SPAG16: variants seen among roughly 807,000 people sequenced by gnomAD.
SPAG16 encodes sperm associated antigen 16.
SPAG16 carries 86 observed loss-of-function variants against 80.4 expected under a neutral mutation model. The observed-to-expected ratio is 1.07, with a 90% CI of 0.90 to 1.28. The LOEUF (loss-of-function observed/expected upper bound fraction) is 1.28. Among genes scored for constraint, SPAG16 ranks in the 50% most tolerant of loss-of-function variants. SPAG16 has a pLI of 0.00. For synonymous variants in SPAG16, 294 were observed against 265.9 expected, an observed-to-expected ratio of 1.11 and a Z score of -1.03; for missense variants, 870 against 765.3, an observed-to-expected ratio of 1.14 and a Z score of -1.61.
intron 10 of SPAG16, among the ~76,000 whole-genome samples, chr2:213,835,563 T>G (rs1213353060): frequency 1.3e-5 from 2 of 152,124 alleles, no homozygotes; most frequent in East Asian, 1.9e-4. Flanking sequence ...TGTCCTGTGT[T>G]TAATCTCCCT....
At chr2:213,429,608 A>G (rs1049009878) in intron 9 of SPAG16, among the ~76,000 whole-genome samples, 1 of 152,224 alleles carries the variant, frequency 6.6e-6, no homozygotes, top group African/African-American at 2.4e-5. Flanking sequence ...GTTTCACATA[A>G]CATTTGCTAC....
intron 12 of SPAG16, among the ~76,000 whole-genome samples, chr2:213,986,502 A>C (rs965578857): frequency 6.6e-6 from 1 of 151,746 alleles, no homozygotes. Flanking sequence ...AAAAATACTG[A>C]AATCCACAAA....
intron 15 of SPAG16, among the ~76,000 whole-genome samples, chr2:214,336,524 C>A (rs1301529968): frequency 6.6e-6 from 1 of 151,926 alleles, no homozygotes; most frequent in East Asian, 1.9e-4. Flanking sequence ...AGCTTAGAAC[C>A]AGGATAACTG....
chr2:213,373,910 G>T (rs913747436), intron 8 of SPAG16, among the ~76,000 whole-genome samples: 1 of 152,104 alleles, frequency 6.6e-6, no homozygotes, highest in Non-Finnish European at 1.5e-5. Context: ...GGAATTTGAA[G>T]GGGAAAATAT....
intron 10 of SPAG16, among the ~76,000 whole-genome samples, chr2:213,573,606 A>G (rs1254157819): frequency 1.3e-5 from 2 of 152,254 alleles, no homozygotes; most frequent in Non-Finnish European, 2.9e-5. Flanking sequence ...TCACTGCTCT[A>G]ATTGCTTTAG....
intron 12 of SPAG16, among the ~76,000 whole-genome samples, chr2:214,007,358 G>T (rs1247556805): frequency 1.3e-5 from 2 of 151,658 alleles, no homozygotes; most frequent in African/African-American, 4.8e-5. Context: ...CATTTTGGGA[G>T]GCCAAAGCTG....
In SPAG16 at chr2:213,433,915, C is replaced by CTT. The variant is rs33989475; in HGVS notation, c.943-56027_943-56026dup. ...CTCTTCTTTTTTCCTTTTTCTTTGT[C>CTT]TTTTTTTTTTTTTTTTTTTTTTGAG... is the stretch of plus-strand genomic sequence containing the variant. On this transcript the variant is annotated intron_variant, in intron 9 of 15. Transcript: ENST00000331683. Among the ~76,000 whole-genome samples the CTT allele has an allele frequency of 2.4e-3, 205 of 84,986 alleles. 4 individuals carry two copies. Among genetic ancestry groups the CTT allele is most frequent in the African/African-American group, 7.6e-3 (178 of 23,412 alleles). The allele number at this position is 84,986 out of a possible 152,430, so 55.8% of individuals were successfully genotyped here. A position where few individuals can be genotyped will look rare whatever the true frequency, so the allele number is the denominator to read the frequency against.
chr2:213,675,488 A>T (rs571889241), intron 10 of SPAG16, among the ~76,000 whole-genome samples: 2 of 152,244 alleles, frequency 1.3e-5, no homozygotes, highest in African/African-American at 4.8e-5. Flanking sequence ...GGTAATGCCT[A>T]GGTTTTCTTC....
chr2:213,592,401 T>C (rs2060727912), intron 10 of SPAG16, among the ~76,000 whole-genome samples: 1 of 152,236 alleles, frequency 6.6e-6, no homozygotes, highest in Non-Finnish European at 1.5e-5. Context: ...TAAGTCTACA[T>C]ACTAATATTC....
At chr2:214,214,632 A>G (rs2058382344) in intron 15 of SPAG16, among the ~76,000 whole-genome samples, 1 of 152,028 alleles carries the variant, frequency 6.6e-6, no homozygotes. Flanking sequence ...TGAGAGCCAC[A>G]TCATTTTATT....
intron 15 of SPAG16, among the ~76,000 whole-genome samples, chr2:214,382,198 T>C (rs1700487114): frequency 1.3e-5 from 2 of 152,186 alleles, no homozygotes; most frequent in South Asian, 4.1e-4. Context: ...AAAGATCAAA[T>C]CCTCACAGAA....
At chr2:213,446,731 G>A (rs1276306732) in intron 9 of SPAG16, among the ~76,000 whole-genome samples, 1 of 152,110 alleles carries the variant, frequency 6.6e-6, no homozygotes. Flanking sequence ...CTATACTAAC[G>A]ATAGTGTGTG....
At chr2:214,134,235 A>C (rs2054929924) in intron 14 of SPAG16, among the ~76,000 whole-genome samples, 1 of 152,128 alleles carries the variant, frequency 6.6e-6, no homozygotes, top group Admixed American at 6.6e-5. Context: ...TGGCCTATTT[A>C]CTGTTAGCGC....
At chr2:213,781,309 C>T (rs1274865773) in intron 10 of SPAG16, among the ~76,000 whole-genome samples, 1 of 152,090 alleles carries the variant, frequency 6.6e-6, no homozygotes, top group Non-Finnish European at 1.5e-5. Flanking sequence ...ATATTTTTGT[C>T]CACATCACCC....
intron 10 of SPAG16, among the ~76,000 whole-genome samples, chr2:213,661,526 C>T (rs2063426489): frequency 6.6e-6 from 1 of 152,116 alleles, no homozygotes; most frequent in Non-Finnish European, 1.5e-5. Flanking sequence ...TATACTCAAA[C>T]TTAAATAGAT....
intron 6 of SPAG16, among the ~76,000 whole-genome samples, chr2:213,347,028 G>A (rs1428350440): frequency 6.6e-6 from 1 of 152,042 alleles, no homozygotes; most frequent in East Asian, 1.9e-4. Context: ...ACTTTTTTTG[G>A]TTGGTAAGCT....
chr2:213,799,260 A>G (rs778917283), intron 10 of SPAG16, among the ~76,000 whole-genome samples: 16 of 152,060 alleles, frequency 1.1e-4, no homozygotes, highest in Non-Finnish European at 1.6e-4. Flanking sequence ...GCAATGTTTT[A>G]TAGTTTCGAG....
intron 15 of SPAG16, among the ~76,000 whole-genome samples, chr2:214,373,134 T>C (rs1699922329): frequency 6.6e-6 from 1 of 152,172 alleles, no homozygotes; most frequent in Non-Finnish European, 1.5e-5. Context: ...ACTGGTACTT[T>C]CTTAATACAG....
intron 15 of SPAG16, among the ~76,000 whole-genome samples, chr2:214,248,860 T>C (rs1211575499): frequency 6.6e-6 from 1 of 152,160 alleles, no homozygotes; most frequent in African/African-American, 2.4e-5. Context: ...TAGTTAAATT[T>C]ATAGAAAAAC....
Sources: allele counts gnomAD v4.1 joint callset (sites outside exome capture counted in the v4.1 genomes callset), GRCh38; gene constraint gnomAD v4.1.1; transcripts MANE v1.5; gene names NCBI Gene and HGNC (gene_info 2026-07-23, HGNC 2026-07-21).